The following MYT1L variants were observed in gnomAD, a reference collection of about 807,000 sequenced individuals.
MYT1L encodes myelin transcription factor 1 like, also known as myelin transcription factor 1-like protein.
MYT1L carries 12 observed loss-of-function variants against 126.7 expected under a neutral mutation model. The ratio of observed to expected loss-of-function variants is 0.09; its 90% CI spans 0.06 to 0.15. The LOEUF is 0.15. Ranked by LOEUF, MYT1L falls within the 10% of genes least tolerant of loss-of-function variation. The probability of loss-of-function intolerance (pLI) is 1.00; values close to 1 mark genes in which losing one functional copy is unlikely to be tolerated. For missense variants in MYT1L, 979 were observed against 1,585.2 expected, an observed-to-expected ratio of 0.62 and a Z score of 6.49; for synonymous variants, 541 against 604.2, an observed-to-expected ratio of 0.90 and a Z score of 1.53.
At chr2:2,253,193 G>A (rs2094702140) in intron 2 of MYT1L, among the ~76,000 whole-genome samples, 1 of 152,198 alleles carries the variant, frequency 6.6e-6, no homozygotes, top group Non-Finnish European at 1.5e-5. Flanking sequence ...GGACACCTGT[G>A]AGCCGGAGCG....
At chr2:2,099,819 C>T (rs1354785509) in intron 3 of MYT1L, among the ~76,000 whole-genome samples, 2 of 152,226 alleles carry the variant, frequency 1.3e-5, no homozygotes, top group South Asian at 2.1e-4. Flanking sequence ...TTCACAGAAT[C>T]GCATTAAGAC....
intron 2 of MYT1L, among the ~76,000 whole-genome samples, chr2:2,246,584 C>T (rs1261631105): frequency 1.3e-5 from 2 of 152,146 alleles, no homozygotes; most frequent in South Asian, 4.1e-4. Flanking sequence ...TTAACTAAAT[C>T]GAAGCAACAG....
intron 3 of MYT1L, among the ~76,000 whole-genome samples, chr2:2,067,624 T>C (rs1472306516): frequency 6.6e-6 from 1 of 152,136 alleles, no homozygotes; most frequent in Non-Finnish European, 1.5e-5. Flanking sequence ...TAGATGACTA[T>C]GTACTTAAAC....
chr2:2,232,398 G>C (rs1025791614), intron 2 of MYT1L, among the ~76,000 whole-genome samples: 3 of 152,182 alleles, frequency 2.0e-5, no homozygotes, highest in Admixed American at 6.5e-5. Context: ...GCCAGCTATG[G>C]GCTTTACTTT....
chr2:1,837,635 G>A (rs151042986), intron 21 of MYT1L, among the ~76,000 whole-genome samples: 2 of 152,072 alleles, frequency 1.3e-5, no homozygotes, highest in Non-Finnish European at 2.9e-5. Context: ...GCACGTGCAG[G>A]AACAGGCTCA....
At chr2:1,874,687 G>T in intron 18 of MYT1L, among the ~76,000 whole-genome samples, 1 of 152,276 alleles carries the variant, frequency 6.6e-6, no homozygotes, top group South Asian at 2.1e-4. Context: ...AGGGAGCCAC[G>T]TCCCTCTGCC....
At chr2:1,862,659 G>T (rs1329804322) in intron 18 of MYT1L, among the ~76,000 whole-genome samples, 1 of 152,178 alleles carries the variant, frequency 6.6e-6, no homozygotes, top group African/African-American at 2.4e-5. Flanking sequence ...CATAGCAGTT[G>T]CTAAAAATTA....
intron 1 of MYT1L, among the ~76,000 whole-genome samples, chr2:2,311,668 G>A (rs2095973343): frequency 6.6e-6 from 1 of 152,112 alleles, no homozygotes; most frequent in African/African-American, 2.4e-5. Flanking sequence ...CTCAAACTAT[G>A]GCTGGCTCTT....
At chr2:2,321,887 A>T (rs1039245647) in intron 1 of MYT1L, among the ~76,000 whole-genome samples, 1 of 152,176 alleles carries the variant, frequency 6.6e-6, no homozygotes, top group South Asian at 2.1e-4. Flanking sequence ...GTCAGTATGT[A>T]ATATTGAGTC....
At chr2:2,155,588 G>T (rs2086596644) in intron 3 of MYT1L, among the ~76,000 whole-genome samples, 1 of 152,070 alleles carries the variant, frequency 6.6e-6, no homozygotes, top group Non-Finnish European at 1.5e-5. Flanking sequence ...CCCAGGTCTT[G>T]CTAAATTTAA....
chr2:1,934,307 T>TATATATATACACAC (rs71276816), intron 9 of MYT1L, among the ~76,000 whole-genome samples: 11 of 132,084 alleles, frequency 8.3e-5, no homozygotes, highest in Admixed American at 1.5e-4. Context: ...TATATATATA[T>TATATATATACACAC]ACAACCTCAT....
chr2:1,841,064 TG>T, intron 19 of MYT1L: 1 of 410,362 alleles, frequency 2.4e-6, no homozygotes, highest in Non-Finnish European at 4.3e-6. Context: ...CCACCACGCC[TG>T]GCTAATTTTT....
intron 4 of MYT1L, among the ~76,000 whole-genome samples, chr2:2,047,297 A>AT (rs1363244872): frequency 6.6e-6 from 1 of 152,154 alleles, no homozygotes; most frequent in East Asian, 1.9e-4. Context: ...CCACCCATAG[A>AT]TTTTACGCTG....
intron 2 of MYT1L, among the ~76,000 whole-genome samples, chr2:2,186,756 TC>T (rs2092240493): frequency 6.6e-6 from 1 of 152,240 alleles, no homozygotes; most frequent in African/African-American, 2.4e-5. Flanking sequence ...GTTATAAAAT[TC>T]TACAACGAAT....
intron 3 of MYT1L, among the ~76,000 whole-genome samples, chr2:2,121,517 C>T (rs1031813319): frequency 6.0e-4 from 91 of 150,494 alleles, no homozygotes; most frequent in African/African-American, 2.0e-3. Flanking sequence ...GAGTTTGTTT[C>T]GCTCTGTCAC....
intron 2 of MYT1L, among the ~76,000 whole-genome samples, chr2:2,255,032 T>C (rs1013951600): frequency 3.9e-5 from 6 of 152,298 alleles, no homozygotes; most frequent in African/African-American, 1.4e-4. Context: ...ATATTTGAAG[T>C]GATTTAAAAT....
intron 2 of MYT1L, among the ~76,000 whole-genome samples, chr2:2,240,527 G>A (rs1381665442): frequency 6.6e-6 from 1 of 152,090 alleles, no homozygotes; most frequent in Non-Finnish European, 1.5e-5. Context: ...CTTTGAAATA[G>A]TACATAATTA....
In MYT1L at chr2:2,315,245, T is replaced by G. The variant is rs1286189061; in HGVS notation, c.-521+15722A>C. ...TTTCAGTTCTTAAAGGCAAGGATTA[T>G]GCCTTACACTGGCTTAAGATTTGCA... On this transcript the variant is annotated intron_variant, in intron 1 of 24. Transcript: ENST00000647738. 2.0e-5 allele frequency among the ~76,000 whole-genome samples: 3 copies of G among 152,204 alleles called. 1 individual carries two copies. The highest frequency in any genetic ancestry group is 4.1e-4 in the South Asian group (2 of 4,832).
intron 8 of MYT1L, among the ~76,000 whole-genome samples, chr2:1,977,889 T>C (rs925933429): frequency 2.6e-5 from 4 of 152,200 alleles, no homozygotes; most frequent in Admixed American, 2.6e-4. Context: ...AATAATACTT[T>C]AAGTAAACTA....
Sources: gnomAD v4.1 joint callset for allele counts (sites outside exome capture counted in the v4.1 genomes callset) on GRCh38, gnomAD v4.1.1 for gene constraint, MANE v1.5 for transcripts, NCBI Gene and HGNC (gene_info 2026-07-23, HGNC 2026-07-21) for gene names.